MAP3K13: variants seen among roughly 807,000 people sequenced by gnomAD.
The protein encoded by MAP3K13 is mitogen-activated protein kinase kinase kinase 13.
A neutral mutation model predicts 104.0 loss-of-function variants in MAP3K13; 52 were observed. That is an observed-to-expected ratio of 0.50 (90% CI 0.40 to 0.63). MAP3K13 has a LOEUF of 0.63. Among genes scored for constraint, MAP3K13 ranks in the 20% least tolerant of loss-of-function variants. The pLI is 0.00. For missense variants in MAP3K13, 914 were observed against 1,218.5 expected, an observed-to-expected ratio of 0.75 and a Z score of 3.72; for synonymous variants, 394 against 442.2, an observed-to-expected ratio of 0.89 and a Z score of 1.37.
intron 10 of MAP3K13, among the ~76,000 whole-genome samples, chr3:185,472,205 CT>C (rs568380003): frequency 2.4e-3 from 287 of 118,618 alleles, no homozygotes; most frequent in East Asian, 8.7e-3. Flanking sequence ...ATCCCTTCTT[CT>C]TTTTTTTTTT....
intron 2 of MAP3K13, among the ~76,000 whole-genome samples, chr3:185,297,374 A>C (rs1436656911): frequency 6.6e-6 from 1 of 152,178 alleles, no homozygotes; most frequent in African/African-American, 2.4e-5. Context: ...TCCTCTAATC[A>C]TGAGGTAGCA....
chr3:185,484,528 T>A lies in MAP3K13; in HGVS notation c.*2072T>A, dbSNP rs2148934025. The A allele has an allele frequency of 6.6e-6, 1 of 152,366 alleles. No individual in the cohort carries two copies. Among genetic ancestry groups the A allele is most frequent in the Admixed American group, 6.5e-5 (1 of 15,306 alleles). The allele number at this position is 152,366 out of a possible 1,614,324, so 9.4% of individuals were successfully genotyped here. On this transcript the variant is annotated 3_prime_UTR_variant, in exon 14 of 14. Coordinates refer to ENST00000265026, the MANE Select transcript of MAP3K13 (RefSeq NM_004721.5). ...ATGTTGCCGCTCCTCTGGGTTTTACTGATTGCATCAGCCAAAAAGGAAAGG... is the reference window on the plus strand; with the variant it reads ...ATGTTGCCGCTCCTCTGGGTTTTACAGATTGCATCAGCCAAAAAGGAAAGG...
At chr3:185,469,851 T>C (rs950942531) in intron 10 of MAP3K13, among the ~76,000 whole-genome samples, 5 of 152,316 alleles carry the variant, frequency 3.3e-5, no homozygotes, top group South Asian at 2.1e-4. Context: ...ATAAACCAGA[T>C]TGAAAATTAG....
At chr3:185,340,660 C>T (rs1382889788) in intron 2 of MAP3K13, among the ~76,000 whole-genome samples, 3 of 152,102 alleles carry the variant, frequency 2.0e-5, no homozygotes, top group South Asian at 2.1e-4. Context: ...ATAATCCTCA[C>T]GTGTCAAGGG....
intron 1 of MAP3K13, among the ~76,000 whole-genome samples, chr3:185,373,833 T>A (rs1158720808): frequency 6.7e-6 from 1 of 150,058 alleles, no homozygotes; most frequent in Non-Finnish European, 1.5e-5. Context: ...ATTTTTTTTT[T>A]TTTTTTTTTT....
At chr3:185,357,447 T>TAAAAAAAAAAAAAAAAAAAAAAAAA (rs71162295) in intron 2 of MAP3K13, among the ~76,000 whole-genome samples, 7 of 91,396 alleles carry the variant, frequency 7.7e-5, no homozygotes, top group Non-Finnish European at 1.3e-4. Flanking sequence ...AAACTCCATC[T>TAAAAAAAAAAAAAAAAAAAAAAAAA]AAAAAAAAAA....
chr3:185,370,517 A>T (rs1316892124), intron 1 of MAP3K13, among the ~76,000 whole-genome samples: 13 of 152,036 alleles, frequency 8.6e-5, no homozygotes, highest in Non-Finnish European at 1.8e-4. Context: ...TTTTTATAGA[A>T]ATTTAGCCTC....
intron 2 of MAP3K13, among the ~76,000 whole-genome samples, chr3:185,313,884 C>T (rs1390538584): frequency 6.6e-6 from 1 of 152,202 alleles, no homozygotes. Flanking sequence ...AATGACCTTA[C>T]TGAGTTTGTT....
chr3:185,396,338 C>G (rs780842438), intron 1 of MAP3K13, among the ~76,000 whole-genome samples: 6 of 152,038 alleles, frequency 3.9e-5, no homozygotes, highest in African/African-American at 2.4e-5. Context: ...CCACTGCACT[C>G]TGGCCTGGGT....
chr3:185,308,353 G>A (rs901048784), intron 2 of MAP3K13, among the ~76,000 whole-genome samples: 1 of 152,080 alleles, frequency 6.6e-6, no homozygotes, highest in African/African-American at 2.4e-5. Flanking sequence ...CCTACAAGCT[G>A]CCTAGGTCTC....
chr3:185,363,651 G>A (rs1010047242), intron 1 of MAP3K13, among the ~76,000 whole-genome samples: 2 of 152,192 alleles, frequency 1.3e-5, no homozygotes, highest in African/African-American at 2.4e-5. Context: ...TCCTTAAAGG[G>A]AGATTCATTT....
At chr3:185,301,838 A>G (rs1391327637) in intron 2 of MAP3K13, among the ~76,000 whole-genome samples, 2 of 152,182 alleles carry the variant, frequency 1.3e-5, no homozygotes, top group Non-Finnish European at 2.9e-5. Context: ...ATGTCTGTTT[A>G]TGCCAGTACT....
chr3:185,298,139 G>C (rs1377002151), intron 2 of MAP3K13, among the ~76,000 whole-genome samples: 1 of 152,060 alleles, frequency 6.6e-6, no homozygotes. Flanking sequence ...TTAGCTAAAT[G>C]GTGTTCCACT....
intron 2 of MAP3K13, among the ~76,000 whole-genome samples, chr3:185,350,681 C>A (rs1024346758): frequency 6.6e-6 from 1 of 152,088 alleles, no homozygotes; most frequent in Admixed American, 6.6e-5. Flanking sequence ...CCATCTCACA[C>A]CAATCAGAAT....
intron 7 of MAP3K13, among the ~76,000 whole-genome samples, chr3:185,456,317 T>A (rs923259588): frequency 2.6e-5 from 4 of 152,128 alleles, no homozygotes; most frequent in Non-Finnish European, 5.9e-5. Context: ...AATTATTATG[T>A]AAGTAAAGTG....
chr3:185,321,659 A>G (rs888647926), intron 2 of MAP3K13, among the ~76,000 whole-genome samples: 1 of 152,192 alleles, frequency 6.6e-6, no homozygotes, highest in Non-Finnish European at 1.5e-5. Flanking sequence ...ACTGCAGTGC[A>G]GTGGCTCAAT....
intron 2 of MAP3K13, among the ~76,000 whole-genome samples, chr3:185,327,694 C>G (rs1008879857): frequency 6.6e-6 from 1 of 152,114 alleles, no homozygotes; most frequent in African/African-American, 2.4e-5. Context: ...GGCAAATCAC[C>G]TGAGGTCAGG....
chr3:185,319,499 T>A (rs999641161), intron 2 of MAP3K13, among the ~76,000 whole-genome samples: 6 of 152,230 alleles, frequency 3.9e-5, no homozygotes, highest in African/African-American at 1.4e-4. Context: ...GAGTTCCATA[T>A]CTGGGCACAC....
At chr3:185,293,092 G>A (rs1720801047) in intron 2 of MAP3K13, 2 of 928,342 alleles carry the variant, frequency 2.2e-6, no homozygotes, top group East Asian at 1.2e-4. Context: ...TGCACTTGCT[G>A]TTCTTTCTTT....
Sources: allele counts gnomAD v4.1 joint callset (sites outside exome capture counted in the v4.1 genomes callset), GRCh38; gene constraint gnomAD v4.1.1; transcripts MANE v1.5; gene names NCBI Gene and HGNC (gene_info 2026-07-23, HGNC 2026-07-21).